The following NFIB variants were observed in gnomAD, a reference collection of about 807,000 sequenced individuals.
NFIB encodes the protein nuclear factor I B.
Under a neutral mutation model 61.5 loss-of-function variants are expected in NFIB, and 11 were observed. The observed-to-expected ratio is 0.18, with a 90% CI of 0.11 to 0.30. NFIB has a LOEUF of 0.30. NFIB is among the 10% of genes least tolerant of loss of function. The pLI is 1.00. For missense variants in NFIB, 471 were observed against 608.9 expected (o/e 0.77, Z 2.38); for synonymous variants, 260 against 216.5 (o/e 1.20, Z -1.76).
the NFIB span, among the ~76,000 whole-genome samples, chr9:14,443,777 G>A: frequency 7.2e-5 from 11 of 152,186 alleles, no homozygotes; most frequent in Middle Eastern, 3.4e-3. Context: ...TCTCACAATA[G>A]ACTGTAATAT....
intron 1 of NFIB, among the ~76,000 whole-genome samples, chr9:14,334,349 A>C: frequency 6.6e-6 from 1 of 152,184 alleles, no homozygotes; most frequent in African/African-American, 2.4e-5. Context: ...TATCAGTTTT[A>C]ATTGCTTCAC....
In NFIB at chr9:14,313,447, G is replaced by C. The variant is rs376688487; in HGVS notation, c.30+35C>G. On this transcript the variant is annotated intron_variant, in intron 1 of 10. Transcript: ENST00000380953. The surrounding 1 kb of genome is among the most constrained non-coding windows in gnomAD (Gnocchi z 4.5). ...AACAAAACAAAGGCATTTCGGGCCA[G>C]AGAGAAAGCTCGAGAAAGCGACCGA... The C allele has an allele frequency of 6.8e-6, 11 of 1,613,544 alleles. No homozygotes were observed. The highest frequency in any genetic ancestry group is 6.6e-5 in the South Asian group (6 of 91,030).
the NFIB span, among the ~76,000 whole-genome samples, chr9:14,412,758 C>T: frequency 6.6e-6 from 1 of 152,148 alleles, no homozygotes; most frequent in Non-Finnish European, 1.5e-5. Context: ...GCGCTCAGGG[C>T]ATGGGATACG....
intron 10 of NFIB, among the ~76,000 whole-genome samples, chr9:14,109,430 G>A (rs1235218801): frequency 6.6e-6 from 1 of 151,954 alleles, no homozygotes; most frequent in Non-Finnish European, 1.5e-5. Context: ...CCACATTTCT[G>A]AAAATGTTCC....
chr9:14,438,078 G>C, the NFIB span, among the ~76,000 whole-genome samples: 45,830 of 150,366 alleles, frequency 0.3, 7,837 homozygotes, highest in African/African-American at 0.44. Flanking sequence ...GTGAGATGGA[G>C]AGAGAGAGAT....
intron 2 of NFIB, among the ~76,000 whole-genome samples, chr9:14,245,116 G>C (rs2054769176): frequency 6.6e-6 from 1 of 152,138 alleles, no homozygotes; most frequent in Non-Finnish European, 1.5e-5. Context: ...TCATTTGCCT[G>C]TCAGACATCA....
chr9:14,334,163 T>C (rs2060856155), intron 1 of NFIB, among the ~76,000 whole-genome samples: 1 of 152,206 alleles, frequency 6.6e-6, no homozygotes, highest in Admixed American at 6.5e-5. Context: ...ATATAAATAA[T>C]GGAGATATGA....
chr9:14,213,088 T>C (rs1018957571), intron 2 of NFIB, among the ~76,000 whole-genome samples: 1 of 152,238 alleles, frequency 6.6e-6, no homozygotes, highest in African/African-American at 2.4e-5. Flanking sequence ...TCCATTCGTA[T>C]TTTTGTAAGC....
At chr9:14,153,978 A>C (rs2043126747) in intron 4 of NFIB, among the ~76,000 whole-genome samples, 1 of 152,214 alleles carries the variant, frequency 6.6e-6, no homozygotes, top group Non-Finnish European at 1.5e-5. Flanking sequence ...TAATGTGCTA[A>C]TTACAAATCA....
the NFIB span, among the ~76,000 whole-genome samples, chr9:14,428,572 C>T: frequency 1.3e-5 from 2 of 152,272 alleles, no homozygotes; most frequent in Non-Finnish European, 2.9e-5. Flanking sequence ...TGTAGAAAAA[C>T]CTGCTTCTTT....
chr9:14,285,437 T>A (rs890138038), intron 2 of NFIB, among the ~76,000 whole-genome samples: 1 of 152,208 alleles, frequency 6.6e-6, no homozygotes, highest in South Asian at 2.1e-4. Context: ...TCAATTCTTT[T>A]TAGTGTGTCA....
the NFIB span, among the ~76,000 whole-genome samples, chr9:14,472,024 C>G: frequency 1.3e-5 from 2 of 152,140 alleles, no homozygotes; most frequent in Admixed American, 1.3e-4. Flanking sequence ...TTAGACTGCC[C>G]TTGGCACTCC....
At chr9:14,089,125 G>A (rs1368361982) in intron 10 of NFIB, among the ~76,000 whole-genome samples, 1 of 151,958 alleles carries the variant, frequency 6.6e-6, no homozygotes, top group Non-Finnish European at 1.5e-5. Flanking sequence ...CTTACTTTTA[G>A]AGAGAGCCAC....
chr9:14,486,118 T>C, the NFIB span, among the ~76,000 whole-genome samples: 1 of 152,168 alleles, frequency 6.6e-6, no homozygotes, highest in African/African-American at 2.4e-5. Flanking sequence ...TCAAGATAAG[T>C]AAAAGTTCTC....
intron 1 of NFIB, among the ~76,000 whole-genome samples, chr9:14,370,679 C>T (rs2061348270): frequency 6.6e-6 from 1 of 152,238 alleles, no homozygotes; most frequent in African/African-American, 2.4e-5. Flanking sequence ...AAAATCAGAT[C>T]CCTCCTAATA....
the NFIB span, among the ~76,000 whole-genome samples, chr9:14,418,154 GTAATA>G: frequency 6.6e-6 from 1 of 152,182 alleles, no homozygotes; most frequent in African/African-American, 2.4e-5. Flanking sequence ...CACTGTAAAT[GTAATA>G]TAATCTATAT....
At chr9:14,129,463 T>C (rs2040134019) in intron 6 of NFIB, among the ~76,000 whole-genome samples, 1 of 151,164 alleles carries the variant, frequency 6.6e-6, no homozygotes, top group African/African-American at 2.4e-5. Flanking sequence ...AGATCAATTA[T>C]CTGGGGAAAA....
rs1440597578 is a variant in NFIB at position 14,376,621 on chromosome 9, A to T, written c.108+21903T>A. ...AACCTCCGCCTCCCAGGTTCAAGTG[A>T]TTCTCCTCCGTCAACCTCCCCAGTA... On this transcript the variant is annotated intron_variant, in intron 1 of 8. Transcript: ENST00000380934. Among the ~76,000 whole-genome samples the T allele has an allele frequency of 3.3e-5, 5 of 150,692 alleles. No homozygotes were observed. The East Asian group carries it at 9.8e-4, about 30-fold the overall frequency.
intron 2 of NFIB, among the ~76,000 whole-genome samples, chr9:14,244,363 T>G (rs1203398270): frequency 6.6e-6 from 1 of 152,220 alleles, no homozygotes; most frequent in African/African-American, 2.4e-5. Context: ...CATATACCAG[T>G]GCAGTCAGAT....
Sources: gnomAD v4.1 joint callset for allele counts (sites outside exome capture counted in the v4.1 genomes callset) on GRCh38, gnomAD v4.1.1 for gene constraint, Gnocchi (gnomAD v3.1) non-coding constraint, MANE v1.5 for transcripts, NCBI Gene and HGNC (gene_info 2026-07-23, HGNC 2026-07-21) for gene names.